Variants in RBFOX1 observed in about 807,000 individuals in gnomAD.
RBFOX1 encodes the protein RNA binding protein fox-1 homolog 1.
Under a neutral mutation model 57.7 loss-of-function variants are expected in RBFOX1, and 8 were observed. The ratio of observed to expected loss-of-function variants is 0.14; its 90% CI spans 0.08 to 0.25. The LOEUF (loss-of-function observed/expected upper bound fraction) is 0.25. Ranked by LOEUF, RBFOX1 falls within the 10% of genes least tolerant of loss-of-function variation. RBFOX1 has a pLI of 1.00. For missense variants in RBFOX1, 611 were observed against 548.5 expected, an observed-to-expected ratio of 1.11 and a Z score of -1.14; for synonymous variants, 326 against 222.4, an observed-to-expected ratio of 1.47 and a Z score of -4.15.
At chr16:5,301,629 A>AAAC (rs2063807853) in intron 1 of RBFOX1, among the ~76,000 whole-genome samples, 1 of 150,568 alleles carries the variant, frequency 6.6e-6, no homozygotes, top group African/African-American at 2.5e-5. Context: ...AAAAAAAAAA[A>AAAC]AAAAAAAAAC....
chr16:5,563,718 G>A (rs2045967268), intron 2 of RBFOX1, among the ~76,000 whole-genome samples: 1 of 152,098 alleles, frequency 6.6e-6, no homozygotes, highest in Non-Finnish European at 1.5e-5. Flanking sequence ...CTCCATTTAA[G>A]GTGTACAATT....
At position 6,725,217 on chromosome 16, in the gene RBFOX1, A is replaced by AT. The variant is rs1036093101; in HGVS notation, c.-16+70574dup. 1.2e-3 allele frequency among the ~76,000 whole-genome samples: 188 copies of AT among 151,472 alleles called. 1 individual carries two copies. Among genetic ancestry groups the AT allele is most frequent in the African/African-American group, 4.5e-3 (187 of 41,294 alleles). On this transcript the variant is annotated intron_variant, in intron 3 of 15. Transcript: ENST00000550418. ...AGGCACCCGCCACCATGCCCAGCTAATTTTTTTGTATTTTTAGTAGGGACA... is the reference window on the plus strand; with the variant it reads ...AGGCACCCGCCACCATGCCCAGCTAATTTTTTTTGTATTTTTAGTAGGGACA...
chr16:7,088,053 G>C (rs562464549), intron 4 of RBFOX1, among the ~76,000 whole-genome samples: 27 of 152,286 alleles, frequency 1.8e-4, no homozygotes, highest in African/African-American at 6.3e-4. Context: ...TTTCCAGTGG[G>C]AGTTCAGGCA....
At chr16:6,507,166 A>T (rs2096122230) in intron 2 of RBFOX1, among the ~76,000 whole-genome samples, 1 of 152,146 alleles carries the variant, frequency 6.6e-6, no homozygotes, top group South Asian at 2.1e-4. Flanking sequence ...CACTGCAGAG[A>T]TGGCTTCCTA....
At chr16:5,705,795 C>A (rs191409268) in intron 3 of RBFOX1, among the ~76,000 whole-genome samples, 4 of 152,174 alleles carry the variant, frequency 2.6e-5, no homozygotes, top group Non-Finnish European at 5.9e-5. Flanking sequence ...CATCTGTGTG[C>A]GAGGCCTCTT....
At chr16:6,022,733 T>A (rs150668533) in intron 1 of RBFOX1, among the ~76,000 whole-genome samples, 1 of 152,300 alleles carries the variant, frequency 6.6e-6, no homozygotes, top group Non-Finnish European at 1.5e-5. Flanking sequence ...TGTGATAGTA[T>A]CTAAACAATT....
chr16:7,467,921 T>C (rs1459261389), intron 4 of RBFOX1, among the ~76,000 whole-genome samples: 3 of 152,228 alleles, frequency 2.0e-5, no homozygotes, highest in African/African-American at 7.2e-5. Context: ...ACTTGGTATG[T>C]CCATCATTTG....
rs184825974 is a variant in RBFOX1, at chr16:5,406,094, A to G, written c.220-61122A>G. Among the ~76,000 whole-genome samples, 15 of 152,250 alleles carry G rather than the reference A, an allele frequency of 9.9e-5. No individual in the cohort carries two copies. The East Asian group carries it at 2.7e-3, about 27-fold the overall frequency. ...AGGCATTCCAACTTATGTATTTGAAATCTGATTATTCTTTTATTCATTCAT... is the reference window on the plus strand; with the variant it reads ...AGGCATTCCAACTTATGTATTTGAAGTCTGATTATTCTTTTATTCATTCAT... On this transcript the variant is annotated intron_variant, in intron 1 of 2. Coordinates refer to the RBFOX1 transcript ENST00000585867.
intron 4 of RBFOX1, among the ~76,000 whole-genome samples, chr16:7,194,309 AT>A (rs2086153991): frequency 1.3e-5 from 2 of 152,234 alleles, no homozygotes; most frequent in Admixed American, 6.5e-5. Context: ...AATAAGTGAT[AT>A]TGTTATTTTA....
intron 5 of RBFOX1, among the ~76,000 whole-genome samples, chr16:7,559,449 C>T (rs1016285280): frequency 1.3e-5 from 2 of 152,182 alleles, no homozygotes; most frequent in African/African-American, 4.8e-5. Context: ...GGAAACATCA[C>T]CTGCCTCCAA....
intron 2 of RBFOX1, among the ~76,000 whole-genome samples, chr16:6,614,712 C>A (rs577380853): frequency 1.2e-4 from 18 of 152,256 alleles, no homozygotes; most frequent in African/African-American, 4.3e-4. Flanking sequence ...ATGGGTCTAT[C>A]ACTCCAGTCT....
rs371788456 is a variant in RBFOX1 at position 5,681,621 on chromosome 16, G to A, written c.318+82660G>A. ...TTGGTCAGGCTGGACTCGAACTCCC[G>A]ACCTCAGGTGATCCACCCACCTCAG... On this transcript the variant is annotated intron_variant, in intron 3 of 19. Transcript: ENST00000641259. 2.6e-5 allele frequency among the ~76,000 whole-genome samples: 4 copies of A among 151,200 alleles called. No individual in the cohort carries two copies. The East Asian group carries it at 5.9e-4, about 22-fold the overall frequency.
At chr16:5,924,022 G>T (rs900452124) in intron 4 of RBFOX1, among the ~76,000 whole-genome samples, 6 of 152,086 alleles carry the variant, frequency 3.9e-5, no homozygotes, top group African/African-American at 1.4e-4. Context: ...GCTCATGGGG[G>T]TAGTGTACCC....
rs937741129 is a variant in RBFOX1 at position 5,947,525 on chromosome 16, G to A, written c.351+80190G>A. ...TTTTTAGAGACAGGGGTCTCTGTAT[G>A]TTGCCTAGGCTGGTGTCAGACTCCT... is the stretch of plus-strand genomic sequence containing the variant. On this transcript the variant is annotated intron_variant, in intron 4 of 19. Coordinates refer to the RBFOX1 transcript ENST00000641259. This position sits in a 1 kb window ranked among gnomAD's most constrained non-coding sequence, Gnocchi z 7.2. Among the ~76,000 whole-genome samples, 4 of 152,106 alleles carry A rather than the reference G, an allele frequency of 2.6e-5. No individual in the cohort carries two copies. Among genetic ancestry groups the A allele is most frequent in the African/African-American group, 7.2e-5 (3 of 41,436 alleles).
At chr16:6,477,673 C>T (rs2095294833) in intron 2 of RBFOX1, among the ~76,000 whole-genome samples, 1 of 152,178 alleles carries the variant, frequency 6.6e-6, no homozygotes, top group Non-Finnish European at 1.5e-5. Flanking sequence ...GTATTAGCCC[C>T]TAATAAGAGC....
intron 2 of RBFOX1, among the ~76,000 whole-genome samples, chr16:6,560,252 G>A (rs1396870255): frequency 3.3e-5 from 5 of 151,644 alleles, no homozygotes; most frequent in African/African-American, 7.3e-5. Context: ...AAAAGTGTGC[G>A]TGATGCCTGA....
intron 1 of RBFOX1, among the ~76,000 whole-genome samples, chr16:6,112,637 G>A (rs2096458795): frequency 6.6e-6 from 1 of 152,194 alleles, no homozygotes; most frequent in African/African-American, 2.4e-5. Flanking sequence ...GTTGCGGTGA[G>A]CTGAGATCGT....
intron 1 of RBFOX1, among the ~76,000 whole-genome samples, chr16:6,178,435 A>C (rs2152782455): frequency 6.6e-6 from 1 of 151,952 alleles, no homozygotes; most frequent in African/African-American, 2.4e-5. Flanking sequence ...TGCCCACCTC[A>C]GCCTCCCAAA....
chr16:5,387,672 G>T lies in RBFOX1; in HGVS notation c.220-79544G>T, dbSNP rs553819803. ...AGAGAGGGAGGGGAGTGGATGTCTG[G>T]CATGAAAGGTGGAATGTTTCCCCGA... is the stretch of plus-strand genomic sequence containing the variant. On this transcript the variant is annotated intron_variant, in intron 1 of 2. Coordinates refer to the RBFOX1 transcript ENST00000585867. Among the ~76,000 whole-genome samples, 9 of 152,296 alleles carry T rather than the reference G, an allele frequency of 5.9e-5. No homozygotes were observed. In the East Asian group the frequency reaches 1.5e-3, roughly 26 times the overall value.
Sources: gnomAD v4.1 joint callset for allele counts (sites outside exome capture counted in the v4.1 genomes callset) on GRCh38, gnomAD v4.1.1 for gene constraint, Gnocchi (gnomAD v3.1) non-coding constraint, MANE v1.5 for transcripts, NCBI Gene and HGNC (gene_info 2026-07-23, HGNC 2026-07-21) for gene names.